The following THSD4 variants were observed in gnomAD, a reference collection of about 807,000 sequenced individuals.
THSD4 encodes thrombospondin type 1 domain containing 4.
A neutral mutation model predicts 119.0 loss-of-function variants in THSD4; 69 were observed. That is an observed-to-expected ratio of 0.58 (90% CI 0.48 to 0.71). The LOEUF (loss-of-function observed/expected upper bound fraction) is 0.71, where lower values mean the gene tolerates loss of function less well. THSD4 is among the 30% of genes least tolerant of loss of function. The probability of loss-of-function intolerance (pLI) is 0.00; values close to 1 mark genes in which losing one functional copy is unlikely to be tolerated. For missense variants in THSD4, 1,393 were observed against 1,391.1 expected (o/e 1.00, Z -0.02); for synonymous variants, 524 against 540.4 (o/e 0.97, Z 0.42).
At chr15:71,430,862 C>A (rs2046935210) in intron 7 of THSD4, among the ~76,000 whole-genome samples, 1 of 151,474 alleles carries the variant, frequency 6.6e-6, no homozygotes, top group South Asian at 2.1e-4. Context: ...TTTCCCAGGG[C>A]TTCTATTGGC....
intron 7 of THSD4, among the ~76,000 whole-genome samples, chr15:71,553,885 T>C (rs1489089607): frequency 6.6e-6 from 1 of 152,196 alleles, no homozygotes; most frequent in Non-Finnish European, 1.5e-5. Flanking sequence ...TTAATCATGA[T>C]TTCTTCATTA....
rs544511716 is a variant in THSD4 at position 71,310,228 on chromosome 15, A to T, written c.1015+53513A>T. On this transcript the variant is annotated intron_variant, in intron 6 of 17. Coordinates refer to ENST00000261862, the MANE Select transcript of THSD4 (RefSeq NM_024817.3). The stretch of plus-strand genomic sequence containing the variant: ...AGCACAGACCTTATGATTCTCTTAC[A>T]CTGTGGGACTAGGAGAGATCCATTA... 2.0e-5 allele frequency among the ~76,000 whole-genome samples: 3 copies of T among 152,082 alleles called. No individual in the cohort carries two copies. In the South Asian group the frequency reaches 6.2e-4, roughly 32 times the overall value.
intron 7 of THSD4, among the ~76,000 whole-genome samples, chr15:71,422,624 C>T (rs1014674961): frequency 1.3e-5 from 2 of 152,170 alleles, no homozygotes; most frequent in Admixed American, 6.5e-5. Context: ...ACTGGGACTG[C>T]GCTGGGTCAG....
intron 6 of THSD4, among the ~76,000 whole-genome samples, chr15:71,272,832 C>G (rs532162029): frequency 1.2e-3 from 186 of 151,888 alleles, no homozygotes; most frequent in South Asian, 2.3e-3. Context: ...CCATTGCACT[C>G]CAGCCTGGGT....
chr15:71,478,914 C>A (rs2047686653), intron 7 of THSD4, among the ~76,000 whole-genome samples: 1 of 152,140 alleles, frequency 6.6e-6, no homozygotes, highest in Admixed American at 6.6e-5. Flanking sequence ...AAGTTTCTGT[C>A]ATTTTTCTGC....
intron 7 of THSD4, among the ~76,000 whole-genome samples, chr15:71,558,601 T>C (rs2049060840): frequency 6.6e-6 from 1 of 152,116 alleles, no homozygotes; most frequent in Admixed American, 6.5e-5. Context: ...CCCCAGTAGC[T>C]GGGACCACAG....
intron 11 of THSD4, among the ~76,000 whole-genome samples, chr15:71,743,581 C>T (rs1278526916): frequency 6.6e-6 from 1 of 152,162 alleles, no homozygotes; most frequent in Non-Finnish European, 1.5e-5. Context: ...TTCTTTGCAT[C>T]CCATTAACTT....
chr15:71,181,276 C>A (rs1361263913), intron 3 of THSD4, among the ~76,000 whole-genome samples: 1 of 152,102 alleles, frequency 6.6e-6, no homozygotes, highest in Non-Finnish European at 1.5e-5. Context: ...AGTAAAGAGA[C>A]CTTATTAAGA....
At chr15:71,581,869 A>G (rs375100208) in intron 7 of THSD4, among the ~76,000 whole-genome samples, 3 of 152,154 alleles carry the variant, frequency 2.0e-5, no homozygotes, top group African/African-American at 2.4e-5. Context: ...CCATTGGTCT[A>G]TAAGTCTGTT....
chr15:71,716,821 G>A (rs533088754), intron 8 of THSD4, among the ~76,000 whole-genome samples: 24 of 152,168 alleles, frequency 1.6e-4, no homozygotes, highest in African/African-American at 5.8e-4. Flanking sequence ...CTTTCCTCAT[G>A]TGTTCTGGTC....
intron 1 of THSD4, among the ~76,000 whole-genome samples, chr15:71,139,182 G>A (rs201432617): frequency 1.8e-4 from 28 of 152,060 alleles, no homozygotes; most frequent in African/African-American, 6.0e-4. Flanking sequence ...CCTCTACAGC[G>A]ATTCTGCTAG....
intron 6 of THSD4, among the ~76,000 whole-genome samples, chr15:71,321,451 G>T (rs188272103): frequency 6.6e-6 from 1 of 152,098 alleles, no homozygotes; most frequent in Non-Finnish European, 1.5e-5. Context: ...CAGGAGAATC[G>T]CTTGAACCTA....
rs2047612739 is a variant in THSD4 at position 71,473,467 on chromosome 15, G to A, written c.1152+61644G>A. Among the ~76,000 whole-genome samples, 8 of 152,306 alleles carry A rather than the reference G, an allele frequency of 5.3e-5. No homozygotes were observed. In the South Asian group the frequency reaches 1.7e-3, roughly 32 times the overall value. ...GGAACCCTGAGCACGGAATTACTTG[G>A]AGTTGTCGCTGTTTCTGAGCCTTCA... On this transcript the variant is annotated intron_variant, in intron 7 of 17. Coordinates refer to ENST00000261862, the MANE Select transcript of THSD4 (RefSeq NM_024817.3).
chr15:71,452,404 G>A (rs72760673), intron 7 of THSD4, among the ~76,000 whole-genome samples: 9,683 of 151,646 alleles, frequency 0.064, 381 homozygotes, highest in Non-Finnish European at 0.08. Context: ...GCTGCATGAG[G>A]TGAAGGAAAA....
chr15:71,735,472 T>TCTCTCTCTCTCTC, intron 10 of THSD4, among the ~76,000 whole-genome samples: 1 of 144,784 alleles, frequency 6.9e-6, no homozygotes, highest in South Asian at 2.3e-4. Context: ...CTCTCTCTCT[T>TCTCTCTCTCTCTC]TCTCACTAGC....
intron 9 of THSD4, chr15:71,730,741 A>G (rs1401310316): frequency 1.7e-5 from 3 of 172,014 alleles, no homozygotes; most frequent in African/African-American, 7.0e-5. Context: ...TTGTCACGCC[A>G]CCTAGTGTTA....
intron 8 of THSD4, among the ~76,000 whole-genome samples, chr15:71,681,602 G>T (rs190557359): frequency 1.1e-4 from 16 of 151,890 alleles, no homozygotes; most frequent in Admixed American, 5.9e-4. Flanking sequence ...TTGAACCGGG[G>T]GGGTGGAGGT....
chr15:71,420,717 A>G lies in THSD4; in HGVS notation c.1152+8894A>G, dbSNP rs1213993905. On this transcript the variant is annotated intron_variant, in intron 7 of 17. Coordinates refer to ENST00000261862, the MANE Select transcript of THSD4 (RefSeq NM_024817.3). ...TTAAACTGATTATCACTTAACATTT[A>G]TTGCAATTAACAAACAAAATAACAA... Among the ~76,000 whole-genome samples the G allele has an allele frequency of 1.9e-5, 2 of 107,936 alleles. 1 individual carries two copies. Among genetic ancestry groups the G allele is most frequent in the Non-Finnish European group, 4.1e-5 (2 of 49,316 alleles). The allele number at this position is 107,936 out of a possible 152,430, so 70.8% of individuals were successfully genotyped here. A position where few individuals can be genotyped will look rare whatever the true frequency, so the allele number is the denominator to read the frequency against.
rs77423824 is a variant in THSD4 at position 71,145,696 on chromosome 15, T to C, written c.29+4140T>C. Among the ~76,000 whole-genome samples, 1,021 of 152,302 alleles carry C rather than the reference T, an allele frequency of 6.7e-3. 15 individuals are homozygous for C. The highest frequency in any genetic ancestry group is 0.024 in the African/African-American group (986 of 41,566). On this transcript the variant is annotated intron_variant, in intron 2 of 17. Coordinates refer to ENST00000261862, the MANE Select transcript of THSD4 (RefSeq NM_024817.3). Reference sequence around the variant, plus strand: ...AAAGAGAATGCCCCAAGTAGTGATATTTAAGGTACAATTGATCAGTGAAAA... The same window carrying C: ...AAAGAGAATGCCCCAAGTAGTGATACTTAAGGTACAATTGATCAGTGAAAA...
Sources: gnomAD v4.1 joint callset for allele counts (sites outside exome capture counted in the v4.1 genomes callset) on GRCh38, gnomAD v4.1.1 for gene constraint, MANE v1.5 for transcripts, NCBI Gene and HGNC (gene_info 2026-07-23, HGNC 2026-07-21) for gene names.